TTC7B: variants seen among roughly 807,000 people sequenced by gnomAD.
TTC7B encodes the protein tetratricopeptide repeat domain 7B.
TTC7B carries 28 observed loss-of-function variants against 106.8 expected under a neutral mutation model. The observed-to-expected ratio is 0.26, with a 90% CI of 0.19 to 0.36. The LOEUF (loss-of-function observed/expected upper bound fraction) is 0.36, where lower values mean the gene tolerates loss of function less well. Among genes scored for constraint, TTC7B ranks in the 10% least tolerant of loss-of-function variants. TTC7B has a pLI of 1.00. For missense variants in TTC7B, 862 were observed against 1,076.4 expected, an observed-to-expected ratio of 0.80 and a Z score of 2.79; for synonymous variants, 405 against 430.6, an observed-to-expected ratio of 0.94 and a Z score of 0.74.
At chr14:90,725,764 C>T (rs989341861) in intron 5 of TTC7B, among the ~76,000 whole-genome samples, 1 of 152,220 alleles carries the variant, frequency 6.6e-6, no homozygotes, top group African/African-American at 2.4e-5. Flanking sequence ...CCTTTTGCAT[C>T]AATTTATCTC....
chr14:90,682,247 T>C (rs1298691078), intron 7 of TTC7B, among the ~76,000 whole-genome samples: 1 of 152,220 alleles, frequency 6.6e-6, no homozygotes, highest in Non-Finnish European at 1.5e-5. Flanking sequence ...CAAATTCTGT[T>C]TGAGCCATCC....
chr14:90,799,700 C>A (rs1419474685), intron 1 of TTC7B, among the ~76,000 whole-genome samples: 1 of 152,024 alleles, frequency 6.6e-6, no homozygotes, highest in Non-Finnish European at 1.5e-5. Context: ...GAGGGAAGGG[C>A]GTTGGGGTGG....
intron 17 of TTC7B, among the ~76,000 whole-genome samples, chr14:90,607,171 A>G (rs927046278): frequency 2.0e-5 from 3 of 152,194 alleles, no homozygotes; most frequent in African/African-American, 7.2e-5. Flanking sequence ...AGAAATTAAA[A>G]AACAGAAAAA....
chr14:90,569,673 C>T (rs1890947048), intron 19 of TTC7B: 1 of 152,278 alleles, frequency 6.6e-6, no homozygotes, highest in African/African-American at 2.4e-5. Context: ...ACTGAGAGAA[C>T]AGAAGGACCA....
Position 90,805,391 on chromosome 14 carries a change from G to A in TTC7B, c.121+10784C>T, listed in dbSNP as rs1004696883. On this transcript the variant is annotated intron_variant, in intron 1 of 19. Coordinates refer to ENST00000328459, the MANE Select transcript of TTC7B (RefSeq NM_001010854.2). The surrounding 1 kb of genome is among the most constrained non-coding windows in gnomAD (Gnocchi z 4.0). ...CTGTTCTCCTGCCTCAGCCTCCCGCGTAGCTGCGATTACAGGCGTGTACCA... is the reference window on the plus strand; with the variant it reads ...CTGTTCTCCTGCCTCAGCCTCCCGCATAGCTGCGATTACAGGCGTGTACCA... 5.9e-5 allele frequency among the ~76,000 whole-genome samples: 9 copies of A among 152,130 alleles called. No homozygotes were observed. The South Asian group carries it at 6.2e-4, about 11-fold the overall frequency.
chr14:90,787,462 A>G (rs537146198), intron 1 of TTC7B, among the ~76,000 whole-genome samples: 115 of 152,340 alleles, frequency 7.5e-4, no homozygotes, highest in African/African-American at 2.7e-3. Flanking sequence ...AGGCCATGAT[A>G]GTAGTTACAG....
In TTC7B at chr14:90,534,305, C is replaced by T. The variant is rs907970063; in HGVS notation, c.*7063G>A. The T allele has an allele frequency of 5.9e-5, 9 of 152,238 alleles. No homozygotes were observed. Among genetic ancestry groups the T allele is most frequent in the Non-Finnish European group, 1.2e-4 (8 of 68,106 alleles). 9.4% of individuals were successfully genotyped at this position (152,238 alleles called of 1,614,324 possible). On this transcript the variant is annotated 3_prime_UTR_variant, in exon 20 of 20. Coordinates refer to ENST00000328459, the MANE Select transcript of TTC7B (RefSeq NM_001010854.2). ...ATGTTAGTGGCGGGAACGGCCGCAG[C>T]CCTAAGGCTCAGCCCTGGGGCTCGG...
chr14:90,621,462 G>A lies in TTC7B; in HGVS notation c.1752-3417C>T, dbSNP rs142074361. On this transcript the variant is annotated intron_variant, in intron 15 of 19. Transcript: ENST00000328459. ...CACGTGGGTACGGCCGGGACAAGTG[G>A]CAGAAGCCATGCGGGTATGGCTGGA... Among the ~76,000 whole-genome samples the A allele has an allele frequency of 4.7e-3, 721 of 151,848 alleles. 5 individuals are homozygous for A. Among genetic ancestry groups the A allele is most frequent in the African/African-American group, 0.017 (691 of 41,302 alleles).
chr14:90,712,062 AT>A (rs1273813655), intron 5 of TTC7B, among the ~76,000 whole-genome samples: 2 of 152,226 alleles, frequency 1.3e-5, no homozygotes, highest in Non-Finnish European at 2.9e-5. Flanking sequence ...GGACAAAAAA[AT>A]ATATTATGTA....
chr14:90,676,394 G>T (rs1886838955), intron 9 of TTC7B, 129 bp downstream of exon 9: 2 of 1,116,132 alleles, frequency 1.8e-6, no homozygotes, highest in South Asian at 1.6e-5. Flanking sequence ...AAAGTTAAGT[G>T]ACTGGCCCAA....
intron 1 of TTC7B, among the ~76,000 whole-genome samples, chr14:90,790,610 C>T (rs903785619): frequency 4.6e-5 from 7 of 152,024 alleles, no homozygotes; most frequent in African/African-American, 1.7e-4. Flanking sequence ...CCCCTCCTCG[C>T]CTCCCTGCCA....
chr14:90,727,173 A>T (rs1224358244), intron 5 of TTC7B, among the ~76,000 whole-genome samples: 1 of 152,170 alleles, frequency 6.6e-6, no homozygotes, highest in Non-Finnish European at 1.5e-5. Flanking sequence ...GGAAAGCCTT[A>T]GGAGAAATCA....
chr14:90,793,125 CTT>C (rs1891642991), intron 1 of TTC7B, among the ~76,000 whole-genome samples: 2 of 151,924 alleles, frequency 1.3e-5, no homozygotes, highest in East Asian at 1.9e-4. Context: ...TTCTCTCTCT[CTT>C]GTTTGCCGCC....
rs376258335 is a variant in TTC7B, at chr14:90,661,139, C to T, written c.1153-2752G>A. Among the ~76,000 whole-genome samples, 25 of 152,354 alleles carry T rather than the reference C, an allele frequency of 1.6e-4. 1 individual carries two copies. Among genetic ancestry groups the T allele is most frequent in the African/African-American group, 2.6e-4 (11 of 41,576 alleles). On this transcript the variant is annotated intron_variant, in intron 9 of 19. Coordinates refer to ENST00000328459, the MANE Select transcript of TTC7B (RefSeq NM_001010854.2). ...AGCGCGTGGCCCTGATGCCATGAGG[C>T]GCTGCAGCTGCTGCACCAGCCTCTC...
chr14:90,617,542 T>G (rs1465100940), intron 16 of TTC7B, among the ~76,000 whole-genome samples: 1 of 152,200 alleles, frequency 6.6e-6, no homozygotes, highest in African/African-American at 2.4e-5. Context: ...GTGCAGGTCT[T>G]TTAAATATTG....
At chr14:90,773,325 AG>A (rs1001305129) in intron 3 of TTC7B, among the ~76,000 whole-genome samples, 1 of 152,240 alleles carries the variant, frequency 6.6e-6, no homozygotes, top group Admixed American at 6.5e-5. Flanking sequence ...ATCAAGGCTA[AG>A]CAGGTTATCT....
intron 14 of TTC7B, among the ~76,000 whole-genome samples, chr14:90,646,193 A>G (rs1302821260): frequency 6.6e-6 from 1 of 152,176 alleles, no homozygotes; most frequent in East Asian, 1.9e-4. Context: ...TGCCAGGGGA[A>G]TGGCATGTCT....
chr14:90,756,384 G>GTTTTTTTT (rs369068692), intron 3 of TTC7B, among the ~76,000 whole-genome samples: 8 of 126,804 alleles, frequency 6.3e-5, no homozygotes, highest in South Asian at 2.3e-4. Context: ...TTTTTTTTTT[G>GTTTTTTTT]TTTTTTTTTT....
intron 19 of TTC7B, among the ~76,000 whole-genome samples, chr14:90,544,207 G>A (rs371470005): frequency 1.2e-3 from 179 of 152,368 alleles, no homozygotes; most frequent in African/African-American, 3.5e-3. Context: ...GCCCTCCCCC[G>A]TCTGGGAACA....
Sources: gnomAD v4.1 joint callset for allele counts (sites outside exome capture counted in the v4.1 genomes callset) on GRCh38, gnomAD v4.1.1 for gene constraint, Gnocchi (gnomAD v3.1) non-coding constraint, MANE v1.5 for transcripts, NCBI Gene and HGNC (gene_info 2026-07-23, HGNC 2026-07-21) for gene names.